Variants in CD302 observed in about 807,000 individuals in gnomAD.
The protein encoded by CD302 is CD302 antigen.
In CD302, 23 loss-of-function variants were observed where a neutral mutation model predicts 26.5. The ratio of observed to expected loss-of-function variants is 0.87; its 90% CI spans 0.62 to 1.23. The LOEUF (loss-of-function observed/expected upper bound fraction) is 1.23, where lower values mean the gene tolerates loss of function less well. CD302 is among the 50% of genes most tolerant of loss of function. CD302 has a pLI of 0.00. For missense variants in CD302, 290 were observed against 275.5 expected (o/e 1.05, Z -0.37); for synonymous variants, 90 against 99.4 (o/e 0.91, Z 0.56).
intron 1 of CD302, among the ~76,000 whole-genome samples, chr2:159,785,060 C>T (rs931496038): frequency 1.3e-5 from 2 of 150,860 alleles, no homozygotes; most frequent in Admixed American, 1.3e-4. Context: ...CTGCAACCTC[C>T]GCCTCCCAGG....
Position 159,769,621 on chromosome 2 carries a change from G to GCAC in CD302, c.*2229_*2230insGTG, listed in dbSNP as rs1203571964. 6.9e-6 allele frequency: 1 copy of GCAC among 145,422 alleles called. No homozygotes were observed. The highest frequency in any genetic ancestry group is 2.0e-4 in the East Asian group (1 of 5,042). The allele number at this position is 145,422 out of a possible 1,614,324, so 9.0% of individuals were successfully genotyped here. A position where few individuals can be genotyped will look rare whatever the true frequency, so the allele number is the denominator to read the frequency against. ...AGATCGAGCCACTGCACTGTAGCCT[G>GCAC]GGCAGCACAGTGAGACTCCATCATA... On this transcript the variant is annotated 3_prime_UTR_variant, in exon 6 of 6. Coordinates refer to ENST00000259053, the MANE Select transcript of CD302 (RefSeq NM_014880.5).
At chr2:159,785,640 C>T (rs929103036) in intron 1 of CD302, among the ~76,000 whole-genome samples, 8 of 151,964 alleles carry the variant, frequency 5.3e-5, no homozygotes, top group African/African-American at 1.2e-4. Context: ...AGCACTCAGT[C>T]GTCTCAGGTT....
At chr2:159,798,087 A>G (rs1369296069) in intron 1 of CD302, 45 bp downstream of exon 1, 2 of 1,483,034 alleles carry the variant, frequency 1.3e-6, no homozygotes, top group East Asian at 2.9e-5. Context: ...AAGGGGGCGA[A>G]GGCGGTCGCG....
In CD302 at chr2:159,798,171, G is replaced by T. The variant is rs1328729410; in HGVS notation, c.28C>A (p.Leu10Met). 2 of 1,481,482 alleles carry T rather than the reference G, an allele frequency of 1.3e-6. No individual in the cohort carries two copies. Among genetic ancestry groups the T allele is most frequent in the Non-Finnish European group, 1.8e-6 (2 of 1,122,048 alleles). The allele number at this position is 1,481,482 out of a possible 1,614,324, so 91.8% of individuals were successfully genotyped here. ...GCGGCGAGGCCCAGCAACGGCAGCAGGAGCGCGGGCAGCGCGGCCCGGAGC... is the reference window on the plus strand; with the variant it reads ...GCGGCGAGGCCCAGCAACGGCAGCATGAGCGCGGGCAGCGCGGCCCGGAGC... MLRAALPAL[L>M]LPLLGLAAAA... Residue 10 changes from leucine to methionine, a missense_variant, in exon 1 of 6, where the codon CTG becomes ATG. Transcript: ENST00000259053.
chr2:159,776,854 C>T (rs1312718376), intron 5 of CD302, among the ~76,000 whole-genome samples: 1 of 152,178 alleles, frequency 6.6e-6, no homozygotes, highest in Admixed American at 6.5e-5. Flanking sequence ...TACAGGCGCC[C>T]GCCACCGTGC....
At chr2:159,783,523 G>A (rs994176368) in intron 1 of CD302, 54 bp from the exon 2 acceptor site, 3 of 1,398,318 alleles carry the variant, frequency 2.1e-6, no homozygotes, top group African/African-American at 1.4e-5. Flanking sequence ...AGAATTACAT[G>A]AATTCCCAAA....
At chr2:159,786,336 T>C (rs939274711) in intron 1 of CD302, among the ~76,000 whole-genome samples, 2 of 19,602 alleles carry the variant, frequency 1.0e-4, no homozygotes, top group East Asian at 1.3e-3. Context: ...CTTTTTCTTT[T>C]TTTTTTTTTT....
Position 159,769,245 on chromosome 2 carries a change from A to C in CD302, c.*2606T>G, listed in dbSNP as rs1198078445. The C allele has an allele frequency of 2.6e-5, 4 of 152,254 alleles. No individual in the cohort carries two copies. The East Asian group carries it at 7.7e-4, about 29-fold the overall frequency. The allele number at this position is 152,254 out of a possible 1,614,324, so 9.4% of individuals were successfully genotyped here. A position where few individuals can be genotyped will look rare whatever the true frequency, so the allele number is the denominator to read the frequency against. ...CTAGAACCAAGATGTTGAAGAAAGC[A>C]GTTTCTACATTCTGGATGTAGTAAA... On this transcript the variant is annotated 3_prime_UTR_variant, in exon 6 of 6. Coordinates refer to ENST00000259053, the MANE Select transcript of CD302 (RefSeq NM_014880.5).
At chr2:159,781,847 AT>A (rs1708521727) in intron 2 of CD302, among the ~76,000 whole-genome samples, 3 of 151,408 alleles carry the variant, frequency 2.0e-5, no homozygotes, top group Admixed American at 6.6e-5. Context: ...CTTTAATAAG[AT>A]TAATAACTTT....
intron 1 of CD302, among the ~76,000 whole-genome samples, chr2:159,797,484 C>T (rs1682486060): frequency 6.6e-6 from 1 of 152,162 alleles, no homozygotes; most frequent in Admixed American, 6.5e-5. Flanking sequence ...TGAATGATCA[C>T]GTGTGTGATT....
At chr2:159,775,327 G>T (rs754543730) in intron 5 of CD302, among the ~76,000 whole-genome samples, 5 of 152,162 alleles carry the variant, frequency 3.3e-5, no homozygotes, top group Non-Finnish European at 5.9e-5. Context: ...TGAATTCAGA[G>T]ATTACTTTTC....
intron 2 of CD302, among the ~76,000 whole-genome samples, chr2:159,781,726 A>C (rs923502213): frequency 6.6e-6 from 1 of 152,222 alleles, no homozygotes; most frequent in Non-Finnish European, 1.5e-5. Context: ...ACTGCCTTGA[A>C]ATAAAACCAT....
chr2:159,776,052 C>A (rs969767036), intron 5 of CD302, among the ~76,000 whole-genome samples: 1 of 99,444 alleles, frequency 1.0e-5, no homozygotes. Context: ...GGGATTTCGC[C>A]ATGTTGGCCA....
At chr2:159,777,872 T>C in intron 5 of CD302, 66 bp downstream of exon 5, 1 of 821,606 alleles carries the variant, frequency 1.2e-6, no homozygotes, top group Non-Finnish European at 1.8e-6. Context: ...TAATGTATTT[T>C]AATATGCCAG....
chr2:159,793,809 T>C (rs1407179115), intron 1 of CD302, among the ~76,000 whole-genome samples: 1 of 152,122 alleles, frequency 6.6e-6, no homozygotes, highest in Non-Finnish European at 1.5e-5. Flanking sequence ...AATCTAGCTT[T>C]CAAGACATCC....
chr2:159,791,804 G>A (rs1366133313), intron 1 of CD302, among the ~76,000 whole-genome samples: 1 of 152,168 alleles, frequency 6.6e-6, no homozygotes, highest in Non-Finnish European at 1.5e-5. Flanking sequence ...CTATCTGAGG[G>A]GGTGCTGTTA....
In CD302 at chr2:159,771,453, G is replaced by C. The variant is rs1245907400; in HGVS notation, c.*398C>G. The C allele has an allele frequency of 6.3e-6, 1 of 157,858 alleles. No homozygotes were observed. The highest frequency in any genetic ancestry group is 1.4e-5 in the Non-Finnish European group (1 of 71,738). The allele number at this position is 157,858 out of a possible 1,614,324, so 9.8% of individuals were successfully genotyped here. ...ATTATCAAAGATATTTAAATGTATGGGATGTACTTAAAATCACTTATTCCC... is the reference window on the plus strand; with the variant it reads ...ATTATCAAAGATATTTAAATGTATGCGATGTACTTAAAATCACTTATTCCC... On this transcript the variant is annotated 3_prime_UTR_variant, in exon 6 of 6. Transcript: ENST00000259053.
At chr2:159,792,638 G>A (rs773638629) in intron 1 of CD302, among the ~76,000 whole-genome samples, 11 of 152,022 alleles carry the variant, frequency 7.2e-5, no homozygotes, top group Non-Finnish European at 1.3e-4. Flanking sequence ...AAATGGTCCC[G>A]AACTTAATAA....
intron 3 of CD302, 92 bp downstream of exon 3, chr2:159,780,790 T>C: frequency 4.2e-6 from 5 of 1,197,174 alleles, no homozygotes; most frequent in Non-Finnish European, 6.1e-6. Flanking sequence ...ACAGGAATCA[T>C]CAACTTGAAC....
Sources: gnomAD v4.1 joint callset for allele counts (sites outside exome capture counted in the v4.1 genomes callset) on GRCh38, gnomAD v4.1.1 for gene constraint, MANE v1.5 for transcripts, NCBI Gene and HGNC (gene_info 2026-07-23, HGNC 2026-07-21) for gene names.